The following RHOH variants were observed in gnomAD, a reference collection of about 807,000 sequenced individuals.
The protein encoded by RHOH is ras homolog family member H.
In RHOH, 6 loss-of-function variants were observed where a neutral mutation model predicts 13.8. The observed-to-expected ratio is 0.44, with a 90% CI of 0.24 to 0.86. The LOEUF (loss-of-function observed/expected upper bound fraction) is 0.86, where lower values mean the gene tolerates loss of function less well. RHOH is among the 40% of genes least tolerant of loss of function. The pLI, the probability that RHOH is intolerant of heterozygous loss-of-function variation, is 0.24. For synonymous variants in RHOH, 117 were observed against 103.0 expected (o/e 1.14, Z -0.82); for missense variants, 147 against 244.5 (o/e 0.60, Z 2.66).
Position 40,244,426 on chromosome 4 carries a change from T to A in RHOH, c.*464T>A, listed in dbSNP as rs1338812728. Reference sequence around the variant, plus strand: ...ACGAAGCTCTGCCATATGTTTGTAGTGTTATTATTTTCACCTCAAGTAGAA... The same window carrying A: ...ACGAAGCTCTGCCATATGTTTGTAGAGTTATTATTTTCACCTCAAGTAGAA... On this transcript the variant is annotated 3_prime_UTR_variant, in exon 3 of 3. Transcript: ENST00000381799. 4.5e-6 allele frequency: 1 copy of A among 221,394 alleles called. No individual in the cohort carries two copies. The highest frequency in any genetic ancestry group is 2.3e-5 in the African/African-American group (1 of 43,940). The allele number at this position is 221,394 out of a possible 1,614,324, so 13.7% of individuals were successfully genotyped here.
rs375362263 is a variant in RHOH, at chr4:40,226,979, C to T, written c.-330-15735C>T. 2.6e-5 allele frequency among the ~76,000 whole-genome samples: 4 copies of T among 151,940 alleles called. No individual in the cohort carries two copies. The East Asian group carries it at 5.8e-4, about 22-fold the overall frequency. On this transcript the variant is annotated intron_variant, in intron 1 of 2. Coordinates refer to ENST00000381799, the MANE Select transcript of RHOH (RefSeq NM_004310.5). Reference sequence around the variant, plus strand: ...TTCGAGACCAGCCTGGCCAACATGGCGAAATCCCGTTTCTACTAAAAATAC... The same window carrying T: ...TTCGAGACCAGCCTGGCCAACATGGTGAAATCCCGTTTCTACTAAAAATAC...
intron 1 of RHOH, among the ~76,000 whole-genome samples, chr4:40,223,010 G>A (rs563597106): frequency 2.0e-4 from 30 of 152,314 alleles, no homozygotes; most frequent in African/African-American, 7.0e-4. Context: ...GAAGGAGCAA[G>A]AGAGCTAGAA....
intron 1 of RHOH, among the ~76,000 whole-genome samples, chr4:40,236,507 C>G (rs896916405): frequency 6.6e-6 from 1 of 152,056 alleles, no homozygotes; most frequent in African/African-American, 2.4e-5. Context: ...AAGTAACTTA[C>G]CGGCTGGCTG....
chr4:40,210,305 G>A (rs1413002839), intron 1 of RHOH, among the ~76,000 whole-genome samples: 1 of 152,194 alleles, frequency 6.6e-6, no homozygotes, highest in African/African-American at 2.4e-5. Flanking sequence ...CCACGTAACA[G>A]GAATTCGGAG....
At position 40,234,355 on chromosome 4, in the gene RHOH, A is replaced by T. The variant is rs560680627; in HGVS notation, c.-330-8359A>T. Among the ~76,000 whole-genome samples the T allele has an allele frequency of 1.4e-4, 21 of 152,194 alleles. No individual in the cohort carries two copies. In the East Asian group the frequency reaches 3.7e-3, roughly 27 times the overall value. ...TCCCCATCACTTTAGTTTTGAGATGAGTTTCTAAGGGTGCTCTGGGTGGTT... is the reference window on the plus strand; with the variant it reads ...TCCCCATCACTTTAGTTTTGAGATGTGTTTCTAAGGGTGCTCTGGGTGGTT... On this transcript the variant is annotated intron_variant, in intron 1 of 2. Coordinates refer to ENST00000381799, the MANE Select transcript of RHOH (RefSeq NM_004310.5).
chr4:40,236,788 TAAAA>T (rs368852835), intron 1 of RHOH, among the ~76,000 whole-genome samples: 2 of 142,534 alleles, frequency 1.4e-5, no homozygotes, highest in Admixed American at 7.1e-5. Flanking sequence ...GAGACTCCAT[TAAAA>T]AAAAAAAAAG....
chr4:40,196,632 G>A (rs1203188413), upstream of RHOH, among the ~76,000 whole-genome samples: 4 of 150,972 alleles, frequency 2.6e-5, no homozygotes, highest in Admixed American at 2.0e-4. Context: ...CTGATGGGGG[G>A]AAAGTTCTAA....
chr4:40,220,094 G>A (rs886890100), intron 1 of RHOH, among the ~76,000 whole-genome samples: 3 of 152,128 alleles, frequency 2.0e-5, no homozygotes, highest in African/African-American at 7.2e-5. Flanking sequence ...TTACAAATTG[G>A]CCCCATTGTC....
chr4:40,212,521 G>T (rs923525842), intron 1 of RHOH: 1 of 152,150 alleles, frequency 6.6e-6, no homozygotes, highest in African/African-American at 2.4e-5. Flanking sequence ...TATATCTTCT[G>T]ATCCTCACCT....
intron 1 of RHOH, among the ~76,000 whole-genome samples, chr4:40,226,149 G>A (rs1001105177): frequency 6.6e-6 from 1 of 152,084 alleles, no homozygotes; most frequent in South Asian, 2.1e-4. Flanking sequence ...TCCTGCAAAC[G>A]ATGCATGATT....
intron 1 of RHOH, among the ~76,000 whole-genome samples, chr4:40,216,330 G>A (rs766115849): frequency 2.6e-5 from 4 of 151,858 alleles, no homozygotes; most frequent in African/African-American, 7.3e-5. Context: ...CTAGCCGGGC[G>A]TGGTGGCAGG....
At chr4:40,226,817 A>G (rs1727301077) in intron 1 of RHOH, among the ~76,000 whole-genome samples, 1 of 152,174 alleles carries the variant, frequency 6.6e-6, no homozygotes, top group African/African-American at 2.4e-5. Flanking sequence ...TCTCGAAGGA[A>G]GTGGATGAGA....
chr4:40,193,597 T>G (rs2109327363), upstream of RHOH: 1 of 151,550 alleles, frequency 6.6e-6, no homozygotes, highest in East Asian at 2.0e-4. Context: ...GGAAGAAAAT[T>G]AGATGGCAAC....
chr4:40,230,037 A>C (rs1727714686), intron 1 of RHOH, among the ~76,000 whole-genome samples: 1 of 152,118 alleles, frequency 6.6e-6, no homozygotes, highest in Non-Finnish European at 1.5e-5. Flanking sequence ...ATCTAAAAGA[A>C]TATAAAAAGG....
Position 40,243,575 on chromosome 4 carries a change from C to T in RHOH, c.189C>T (p.Asp63=), listed in dbSNP as rs1346989432. 3.1e-6 allele frequency: 5 copies of T among 1,614,048 alleles called. No individual in the cohort carries two copies. The highest frequency in any genetic ancestry group is 4.5e-5 in the East Asian group (2 of 44,886). ...SLGLWDTAGN[D]AFRSIRPLSY... ...GCCTCTGGGACACAGCCGGCAATGA[C>T]GCCTTCAGAAGCATCCGGCCCCTGT... is the stretch of plus-strand genomic sequence containing the variant. Residue 63 remains aspartate, a synonymous_variant, in exon 3 of 3, where the codon GAC becomes GAT. Coordinates refer to ENST00000381799, the MANE Select transcript of RHOH (RefSeq NM_004310.5). This position sits in a 1 kb window ranked among gnomAD's most constrained non-coding sequence, Gnocchi z 6.2.
At chr4:40,242,163 C>T (rs976685428) in intron 1 of RHOH, among the ~76,000 whole-genome samples, 4 of 152,326 alleles carry the variant, frequency 2.6e-5, no homozygotes, top group East Asian at 1.9e-4. Flanking sequence ...GTCTCCAAGG[C>T]GGAGCTCATT....
rs565327281 is a variant in RHOH at position 40,208,362 on chromosome 4, C to T, written c.-331+11062C>T. ...CAACTCTTAAGAACTGTTTCATTAACGAATTAGTAACCAATGTAAAATGCA... is the reference window on the plus strand; with the variant it reads ...CAACTCTTAAGAACTGTTTCATTAATGAATTAGTAACCAATGTAAAATGCA... On this transcript the variant is annotated intron_variant, in intron 1 of 2. Coordinates refer to ENST00000381799, the MANE Select transcript of RHOH (RefSeq NM_004310.5). Among the ~76,000 whole-genome samples the T allele has an allele frequency of 3.9e-5, 6 of 152,242 alleles. No homozygotes were observed. In the South Asian group the frequency reaches 8.3e-4, roughly 21 times the overall value.
intron 1 of RHOH, among the ~76,000 whole-genome samples, chr4:40,197,579 CTG>C (rs1560677884): frequency 6.6e-6 from 1 of 152,178 alleles, no homozygotes; most frequent in Non-Finnish European, 1.5e-5. Context: ...ATGCTTGTGA[CTG>C]TGGCTGAGCT....
At chr4:40,236,784 C>T (rs953447530) in intron 1 of RHOH, among the ~76,000 whole-genome samples, 3 of 149,652 alleles carry the variant, frequency 2.0e-5, no homozygotes, top group Admixed American at 6.7e-5. Context: ...GAGTGAGACT[C>T]CATTAAAAAA....
Sources: allele counts gnomAD v4.1 joint callset (sites outside exome capture counted in the v4.1 genomes callset), GRCh38; gene constraint gnomAD v4.1.1; non-coding constraint Gnocchi (gnomAD v3.1); transcripts MANE v1.5; gene names NCBI Gene and HGNC (gene_info 2026-07-23, HGNC 2026-07-21).